MICALL1: variants seen among roughly 807,000 people sequenced by gnomAD.
MICALL1 encodes the protein MICAL like 1.
Under a neutral mutation model 83.7 loss-of-function variants are expected in MICALL1, and 61 were observed. The ratio of observed to expected loss-of-function variants is 0.73; its 90% CI spans 0.59 to 0.90. MICALL1 has a LOEUF of 0.90. Ranked by LOEUF, MICALL1 falls within the 40% of genes least tolerant of loss-of-function variation. The probability of loss-of-function intolerance (pLI) is 0.00; values close to 1 mark genes in which losing one functional copy is unlikely to be tolerated. For synonymous variants in MICALL1, 481 were observed against 473.6 expected (o/e 1.02, Z -0.20); for missense variants, 1,066 against 1,152.0 (o/e 0.93, Z 1.08).
chr22:37,927,056 C>G (rs747808216), intron 8 of MICALL1: 4 of 310,814 alleles, frequency 1.3e-5, no homozygotes, highest in Admixed American at 4.5e-5. Flanking sequence ...CTGCGTGCTC[C>G]TCCCCTCTGC....
intron 7 of MICALL1, 59 bp from the exon 8 acceptor site, chr22:37,925,602 G>C (rs1929368446): frequency 3.7e-6 from 5 of 1,355,088 alleles, no homozygotes; most frequent in East Asian, 2.4e-5. Context: ...TGTCTAGAGA[G>C]AGAAGGAAGC....
At chr22:37,913,739 C>CA (rs1286530891) in intron 3 of MICALL1, among the ~76,000 whole-genome samples, 4 of 152,194 alleles carry the variant, frequency 2.6e-5, no homozygotes, top group Non-Finnish European at 5.9e-5. Context: ...ACACAGCAGA[C>CA]AAACTGAACA....
intron 3 of MICALL1, among the ~76,000 whole-genome samples, chr22:37,912,811 G>A (rs1437229687): frequency 1.3e-5 from 2 of 149,546 alleles, no homozygotes; most frequent in African/African-American, 4.9e-5. Context: ...ACAGGCACCC[G>A]GCACCACGCC....
chr22:37,939,840 G>A (rs1044050551), intron 15 of MICALL1, among the ~76,000 whole-genome samples: 1 of 149,746 alleles, frequency 6.7e-6, no homozygotes, highest in South Asian at 2.1e-4. Flanking sequence ...TGTAATCCCA[G>A]CACTTTAGGA....
rs2145941537 is a variant in MICALL1, at chr22:37,932,836, C to G, written c.2182C>G (p.Leu728Val). 1 of 1,614,116 alleles carries G rather than the reference C, an allele frequency of 6.2e-7. No homozygotes were observed. Among genetic ancestry groups the G allele is most frequent in the Admixed American group, 1.7e-5 (1 of 60,014 alleles). ...EDDMLVDWFK[L>V]IHEKHLLVRR... Reference sequence around the variant, plus strand: ...TGACATGCTGGTGGACTGGTTCAAGCTCATCCACGAGAAGCACCTACTGGT... The same window carrying G: ...TGACATGCTGGTGGACTGGTTCAAGGTCATCCACGAGAAGCACCTACTGGT... The change falls in exon 12 of 16, where the codon CTC (leucine) becomes GTC (valine). Residue 728 changes from leucine to valine, a missense_variant. Physicochemically the swap from Leu to Val is conservative, Grantham distance 32. Transcript: ENST00000215957. The surrounding 1 kb of genome is among the most constrained non-coding windows in gnomAD (Gnocchi z 4.4).
At position 37,932,544 on chromosome 22, in the gene MICALL1, G is replaced by T. The variant is rs1229304647; in HGVS notation, c.2017-9G>T. ...GCAGGCCGTCAGGTGACCAGGCACT[G>T]TTGGGCAGGTCCAGGCTGACCAGTA... On this transcript the variant is annotated splice_polypyrimidine_tract_variant and intron_variant, in intron 10 of 15. Coordinates refer to ENST00000215957, the MANE Select transcript of MICALL1 (RefSeq NM_033386.4). The surrounding 1 kb of genome is among the most constrained non-coding windows in gnomAD (Gnocchi z 4.4). 3 of 1,613,906 alleles carry T rather than the reference G, an allele frequency of 1.9e-6. No individual in the cohort carries two copies. The highest frequency in any genetic ancestry group is 2.5e-6 in the Non-Finnish European group (3 of 1,179,860).
intron 5 of MICALL1, among the ~76,000 whole-genome samples, chr22:37,921,421 A>T (rs1929022981): frequency 6.6e-6 from 1 of 152,066 alleles, no homozygotes; most frequent in Non-Finnish European, 1.5e-5. Context: ...TGCCAAAAAA[A>T]AATTAGCCAG....
At position 37,932,748 on chromosome 22, in the gene MICALL1, G is replaced by A; in HGVS notation, c.2144-50G>A. 1 of 1,613,364 alleles carries A rather than the reference G, an allele frequency of 6.2e-7. No homozygotes were observed. The highest frequency in any genetic ancestry group is 8.5e-7 in the Non-Finnish European group (1 of 1,179,668). On this transcript the variant is annotated intron_variant, in intron 11 of 15. Transcript: ENST00000215957. This position sits in a 1 kb window ranked among gnomAD's most constrained non-coding sequence, Gnocchi z 4.4. ...AGGAGCCTCTATTCCCCGGGGAACT[G>A]AGCCAGGCATGGCAGCCAGCCCTGG...
At chr22:37,912,138 T>A in intron 2 of MICALL1, 138 bp downstream of exon 2, 1 of 1,171,644 alleles carries the variant, frequency 8.5e-7, no homozygotes, top group Non-Finnish European at 1.3e-6. Flanking sequence ...TTCCCCACCC[T>A]CTGCTTCCCA....
chr22:37,934,601 A>C (rs1016877024), intron 13 of MICALL1, among the ~76,000 whole-genome samples: 1 of 148,992 alleles, frequency 6.7e-6, no homozygotes, highest in African/African-American at 2.5e-5. Context: ...ATTTATTATT[A>C]TTATTTTTTT....
chr22:37,906,692 C>G lies in MICALL1; in HGVS notation c.146+124C>G. ...CCGCCCCCGGACACGGAGACGCCGACCCCCCCGACGGCCCCGGACGCCGGG... is the reference window on the plus strand; with the variant it reads ...CCGCCCCCGGACACGGAGACGCCGAGCCCCCCGACGGCCCCGGACGCCGGG... On this transcript the variant is annotated intron_variant, in intron 1 of 15. Coordinates refer to ENST00000215957, the MANE Select transcript of MICALL1 (RefSeq NM_033386.4). The surrounding 1 kb of genome is among the most constrained non-coding windows in gnomAD (Gnocchi z 4.4). 2.3e-6 allele frequency: 2 copies of G among 861,634 alleles called. No homozygotes were observed. The highest frequency in any genetic ancestry group is 5.7e-5 in the East Asian group (1 of 17,456). The allele number at this position is 861,634 out of a possible 1,614,324, so 53.4% of individuals were successfully genotyped here.
At chr22:37,911,784 C>T (rs1237235407) in intron 1 of MICALL1, among the ~76,000 whole-genome samples, 168 bp from the exon 2 acceptor site, 1 of 152,124 alleles carries the variant, frequency 6.6e-6, no homozygotes, top group Non-Finnish European at 1.5e-5. Context: ...TGTTTGCTGC[C>T]TCAGTTTCCC....
rs540908042 is a variant in MICALL1 at position 37,924,787 on chromosome 22, C to T, written c.1082+70C>T. The T allele has an allele frequency of 2.4e-5, 36 of 1,526,386 alleles. No homozygotes were observed. The highest frequency in any genetic ancestry group is 1.9e-4 in the South Asian group (16 of 86,154). The allele number at this position is 1,526,386 out of a possible 1,614,324, so 94.6% of individuals were successfully genotyped here. ...GGTGGGAATCAGGGTACTCTGGGGC[C>T]GGGTAGGGAGAGAGGCTTCCTGTGG... On this transcript the variant is annotated intron_variant, in intron 7 of 15. Coordinates refer to ENST00000215957, the MANE Select transcript of MICALL1 (RefSeq NM_033386.4). This position sits in a 1 kb window ranked among gnomAD's most constrained non-coding sequence, Gnocchi z 5.2.
intron 3 of MICALL1, 43 bp from the exon 4 acceptor site, chr22:37,917,664 G>A: frequency 6.3e-7 from 1 of 1,596,916 alleles, no homozygotes. Flanking sequence ...TGGGACTCCA[G>A]GATCTCCACC....
rs142659404 is a variant in MICALL1 at position 37,919,131 on chromosome 22, G to A, written c.522G>A (p.Val174=). ...CCTGCCAGCAGCATGTGCACTTGGT[G>A]CAGCGCTACCTGGCTGACGGCAGGC... ...CAACQQHVHL[V]QRYLADGRLY... is the part of the protein sequence containing the mutation. The change falls in exon 5 of 16, where the codon GTG becomes GTA. Residue 174 remains valine (V), a synonymous_variant. Transcript: ENST00000215957. 6.4e-7 allele frequency: 1 copy of A among 1,551,058 alleles called. No homozygotes were observed. The highest frequency in any genetic ancestry group is 1.4e-5 in the African/African-American group (1 of 73,240).
rs1218856971 is a variant in MICALL1, at chr22:37,940,888, CTGTT to C, written c.*61_*64del. 2 of 1,604,896 alleles carry C rather than the reference CTGTT, an allele frequency of 1.2e-6. No homozygotes were observed. Among genetic ancestry groups the C allele is most frequent in the East Asian group, 2.2e-5 (1 of 44,652 alleles). On this transcript the variant is annotated 3_prime_UTR_variant, in exon 16 of 16. Transcript: ENST00000215957. Reference sequence around the variant, plus strand: ...CCTGGAGCAGCTCCTGGGCTGTGCTCTGTTTGAAGGGGGCGCCCTGCTCCCCTCA... The same window carrying C: ...CCTGGAGCAGCTCCTGGGCTGTGCTCTGAAGGGGGCGCCCTGCTCCCCTCA...
rs748899422 is a variant in MICALL1 at position 37,927,763 on chromosome 22, G to A, written c.1818G>A (p.Leu606=). The A allele has an allele frequency of 1.2e-5, 20 of 1,613,518 alleles. No homozygotes were observed. In the East Asian group the frequency reaches 2.7e-4, roughly 22 times the overall value. The stretch of plus-strand genomic sequence containing the variant: ...GTGGCGCCACCCCAACGCCTCTCTT[G>A]TTGGTTGGAGACAGGAGCCCGGTGC... The part of the protein sequence containing the change: ...PCSGATPTPL[L]LVGDRSPVPS... The change falls in exon 9 of 16, where the codon TTG becomes TTA. Residue 606 remains leucine (L), a synonymous_variant. Coordinates refer to ENST00000215957, the MANE Select transcript of MICALL1 (RefSeq NM_033386.4).
chr22:37,938,696 C>G (rs998243874), intron 15 of MICALL1, among the ~76,000 whole-genome samples: 3 of 150,182 alleles, frequency 2.0e-5, no homozygotes, highest in Non-Finnish European at 4.4e-5. Context: ...GATCTCAGCT[C>G]ACTCAACCTC....
Position 37,925,703 on chromosome 22 carries a change from G to A in MICALL1, c.1125G>A (p.Val375=), listed in dbSNP as rs1406445211. 12 of 1,610,414 alleles carry A rather than the reference G, an allele frequency of 7.5e-6. No individual in the cohort carries two copies. Among genetic ancestry groups the A allele is most frequent in the Non-Finnish European group, 1.0e-5 (12 of 1,179,350 alleles). ...PRKDPPWITL[V]QAEPKKKPAP... is the part of the protein sequence containing the mutation. The stretch of plus-strand genomic sequence containing the variant: ...AGGACCCCCCATGGATCACGCTGGT[G>A]CAGGCAGAACCAAAGAAGAAGCCAG... The change falls in exon 8 of 16, where the codon GTG becomes GTA. Residue 375 remains valine (V), a synonymous_variant. Coordinates refer to ENST00000215957, the MANE Select transcript of MICALL1 (RefSeq NM_033386.4).
Sources: allele counts gnomAD v4.1 joint callset (sites outside exome capture counted in the v4.1 genomes callset), GRCh38; gene constraint gnomAD v4.1.1; non-coding constraint Gnocchi (gnomAD v3.1); transcripts MANE v1.5; gene names NCBI Gene and HGNC (gene_info 2026-07-23, HGNC 2026-07-21).